The following ICA1L variants were observed in gnomAD, a reference collection of about 807,000 sequenced individuals.
ICA1L encodes the protein islet cell autoantigen 1-like protein.
Under a neutral mutation model 61.3 loss-of-function variants are expected in ICA1L, and 50 were observed. That is an observed-to-expected ratio of 0.82 (90% CI 0.65 to 1.03). The LOEUF (loss-of-function observed/expected upper bound fraction) is 1.03, where lower values mean the gene tolerates loss of function less well. Among genes scored for constraint, ICA1L ranks in the 50% least tolerant of loss-of-function variants. ICA1L has a pLI of 0.00. For missense variants in ICA1L, 508 were observed against 556.7 expected (o/e 0.91, Z 0.88); for synonymous variants, 161 against 191.3 (o/e 0.84, Z 1.31).
chr2:202,861,883 C>CAAAA (rs71030996), intron 1 of ICA1L, among the ~76,000 whole-genome samples: 4 of 40,888 alleles, frequency 9.8e-5, no homozygotes, highest in Non-Finnish European at 1.6e-4. Context: ...GATTCAGACT[C>CAAAA]AAAAAAAAAA....
Position 202,778,344 on chromosome 2 carries a change from T to C in ICA1L, c.*1189A>G, listed in dbSNP as rs1260980965. On this transcript the variant is annotated 3_prime_UTR_variant, in exon 13 of 13. Coordinates refer to ENST00000358299, the MANE Select transcript of ICA1L (RefSeq NM_001288622.3). ...TAGCTACGTTTTTATCAGCTTACAC[T>C]AACTTCCATTAAATAGCCTTCCTCT... is the stretch of plus-strand genomic sequence containing the variant. The C allele has an allele frequency of 6.6e-6, 1 of 152,196 alleles. No individual in the cohort carries two copies. Among genetic ancestry groups the C allele is most frequent in the East Asian group, 1.9e-4 (1 of 5,202 alleles). 9.4% of individuals were successfully genotyped at this position (152,196 alleles called of 1,614,324 possible).
chr2:202,825,405 G>T, intron 3 of ICA1L: 1 of 451,356 alleles, frequency 2.2e-6, no homozygotes, highest in Non-Finnish European at 3.2e-6. Context: ...AGGTGGTGGA[G>T]ACTGTAGTGA....
intron 9 of ICA1L, among the ~76,000 whole-genome samples, chr2:202,807,189 A>G (rs930489502): frequency 1.3e-5 from 2 of 152,224 alleles, no homozygotes; most frequent in African/African-American, 4.8e-5. Flanking sequence ...GGTTTTAACT[A>G]CGTATCACTG....
chr2:202,848,715 T>C (rs1193148683), intron 1 of ICA1L, among the ~76,000 whole-genome samples: 1 of 152,212 alleles, frequency 6.6e-6, no homozygotes, highest in African/African-American at 2.4e-5. Context: ...GTCTAGTCTT[T>C]GTATACATAC....
chr2:202,811,165 G>A (rs1440333715), intron 9 of ICA1L, among the ~76,000 whole-genome samples: 2 of 152,040 alleles, frequency 1.3e-5, no homozygotes, highest in Non-Finnish European at 2.9e-5. Flanking sequence ...CGGCTTGTGG[G>A]GCATCACGGA....
At chr2:202,844,619 A>C (rs1694418746) in intron 1 of ICA1L, 1 of 152,150 alleles carries the variant, frequency 6.6e-6, no homozygotes, top group Non-Finnish European at 1.5e-5. Flanking sequence ...GAATTGAGAT[A>C]AACTTGCCCA....
chr2:202,818,234 C>A (rs1693593883), intron 5 of ICA1L, among the ~76,000 whole-genome samples: 1 of 152,088 alleles, frequency 6.6e-6, no homozygotes, highest in Non-Finnish European at 1.5e-5. Flanking sequence ...ACATGGAAGT[C>A]CTTGGTGAGA....
intron 11 of ICA1L, chr2:202,786,550 C>T (rs923709717): frequency 3.0e-5 from 6 of 197,686 alleles, no homozygotes; most frequent in African/African-American, 1.7e-4. Context: ...AGCGAGACTC[C>T]GTCTCAAAAA....
At chr2:202,837,213 T>A (rs1694177980) in intron 1 of ICA1L, among the ~76,000 whole-genome samples, 1 of 152,026 alleles carries the variant, frequency 6.6e-6, no homozygotes, top group South Asian at 2.1e-4. Context: ...TCTCCCTCTT[T>A]CATTTCTGAT....
At position 202,773,617 on chromosome 2, in the gene ICA1L, G is replaced by C. The variant is rs896083791; in HGVS notation, c.*5916C>G. 6 of 614,396 alleles carry C rather than the reference G, an allele frequency of 9.8e-6. No individual in the cohort carries two copies. In the African/African-American group the frequency reaches 1.1e-4, roughly 11 times the overall value. 38.1% of individuals were successfully genotyped at this position (614,396 alleles called of 1,614,324 possible). A position where few individuals can be genotyped will look rare whatever the true frequency, so the allele number is the denominator to read the frequency against. On this transcript the variant is annotated 3_prime_UTR_variant, in exon 13 of 13. Coordinates refer to ENST00000358299, the MANE Select transcript of ICA1L (RefSeq NM_001288622.3). ...CAGTCCTAAGCCTGATATGCTCAAA[G>C]CAAAGCCTCTTTCCCACAAACTAAA...
intron 12 of ICA1L, among the ~76,000 whole-genome samples, chr2:202,782,923 A>G (rs72932723): frequency 0.093 from 14,176 of 152,216 alleles, 786 homozygotes; most frequent in Non-Finnish European, 0.13. Context: ...AAGTATAACT[A>G]TAAGTACTCT....
At chr2:202,793,367 A>G (rs1032281572) in intron 10 of ICA1L, among the ~76,000 whole-genome samples, 4 of 151,826 alleles carry the variant, frequency 2.6e-5, no homozygotes, top group Non-Finnish European at 5.9e-5. Flanking sequence ...TAAGAAATGA[A>G]TAAGAGGCCG....
chr2:202,783,111 C>T (rs757176988), intron 12 of ICA1L, among the ~76,000 whole-genome samples: 1 of 152,084 alleles, frequency 6.6e-6, no homozygotes, highest in Admixed American at 6.5e-5. Flanking sequence ...GGAAAGCTTT[C>T]CCATTCAGTA....
At chr2:202,866,718 C>T (rs761392591) in intron 1 of ICA1L, among the ~76,000 whole-genome samples, 10 of 152,142 alleles carry the variant, frequency 6.6e-5, no homozygotes, top group South Asian at 2.1e-4. Flanking sequence ...GAAGCTGAGG[C>T]GGGCGAATCA....
intron 1 of ICA1L, among the ~76,000 whole-genome samples, chr2:202,865,611 G>A (rs145409743): frequency 2.0e-5 from 3 of 152,222 alleles, no homozygotes; most frequent in African/African-American, 7.2e-5. Context: ...AAAAGGAAAA[G>A]GCAAAGATGT....
chr2:202,799,277 C>A (rs1380793884), intron 9 of ICA1L, among the ~76,000 whole-genome samples: 1 of 152,144 alleles, frequency 6.6e-6, no homozygotes, highest in Non-Finnish European at 1.5e-5. Context: ...TCCTCACCAG[C>A]ATCTGTTATT....
chr2:202,779,731 G>A, intron 12 of ICA1L, 83 bp from the exon 13 acceptor site: 1 of 744,156 alleles, frequency 1.3e-6, no homozygotes, highest in South Asian at 1.9e-5. Flanking sequence ...TTTGAAGTAG[G>A]TGCTTCTTTT....
chr2:202,800,309 A>G (rs1421865989), intron 9 of ICA1L, among the ~76,000 whole-genome samples: 2 of 152,204 alleles, frequency 1.3e-5, no homozygotes, highest in African/African-American at 4.8e-5. Context: ...AAAAGATAGC[A>G]TACTCTTTTG....
intron 9 of ICA1L, among the ~76,000 whole-genome samples, chr2:202,808,053 G>A (rs746183283): frequency 5.3e-5 from 8 of 152,174 alleles, no homozygotes; most frequent in Non-Finnish European, 1.2e-4. Context: ...CTAAGCTATG[G>A]TGCCCACAGG....
Sources: gnomAD v4.1 joint callset for allele counts (sites outside exome capture counted in the v4.1 genomes callset) on GRCh38, gnomAD v4.1.1 for gene constraint, MANE v1.5 for transcripts, NCBI Gene and HGNC (gene_info 2026-07-23, HGNC 2026-07-21) for gene names.